RGS6: variants seen among roughly 807,000 people sequenced by gnomAD.
The protein encoded by RGS6 is regulator of G-protein signaling 6.
Under a neutral mutation model 78.5 loss-of-function variants are expected in RGS6, and 30 were observed. That is an observed-to-expected ratio of 0.38 (90% CI 0.29 to 0.52). The LOEUF (loss-of-function observed/expected upper bound fraction) is 0.52. RGS6 is among the 20% of genes least tolerant of loss of function. The pLI, the probability that RGS6 is intolerant of heterozygous loss-of-function variation, is 0.85. For missense variants in RGS6, 495 were observed against 609.7 expected (o/e 0.81, Z 1.98); for synonymous variants, 206 against 206.0 (o/e 1.00, Z 0.00).
intron 2 of RGS6, among the ~76,000 whole-genome samples, chr14:72,309,822 A>G (rs890429706): frequency 6.6e-6 from 1 of 152,210 alleles, no homozygotes; most frequent in Non-Finnish European, 1.5e-5. Flanking sequence ...ATTGCAGGCC[A>G]TATGTATTGC....
intron 2 of RGS6, among the ~76,000 whole-genome samples, chr14:72,009,322 T>C (rs1382478328): frequency 6.6e-6 from 1 of 152,112 alleles, no homozygotes; most frequent in Non-Finnish European, 1.5e-5. Flanking sequence ...AACTCCCGCC[T>C]AGGTGACAGA....
intron 2 of RGS6, among the ~76,000 whole-genome samples, chr14:72,278,935 G>A (rs1277738261): frequency 6.6e-6 from 1 of 152,092 alleles, no homozygotes; most frequent in Non-Finnish European, 1.5e-5. Flanking sequence ...CTTGTTGTGT[G>A]CTCACGTGAC....
At chr14:72,341,437 C>A (rs999635118) in intron 2 of RGS6, among the ~76,000 whole-genome samples, 1 of 152,186 alleles carries the variant, frequency 6.6e-6, no homozygotes, top group Non-Finnish European at 1.5e-5. Context: ...AGGGCCAAAC[C>A]ATAGTAACAT....
intron 2 of RGS6, among the ~76,000 whole-genome samples, chr14:72,015,586 T>C (rs1215302309): frequency 1.3e-5 from 2 of 152,214 alleles, no homozygotes; most frequent in Non-Finnish European, 2.9e-5. Flanking sequence ...TCTAGAAATA[T>C]GTACTAGAGG....
intron 2 of RGS6, among the ~76,000 whole-genome samples, chr14:72,088,867 C>G (rs2095159538): frequency 6.6e-6 from 1 of 152,222 alleles, no homozygotes; most frequent in Non-Finnish European, 1.5e-5. Context: ...CAAGCTCATT[C>G]CCTCTGCAAG....
intron 15 of RGS6, among the ~76,000 whole-genome samples, chr14:72,522,678 C>A (rs1598667569): frequency 9.2e-6 from 1 of 109,036 alleles, no homozygotes; most frequent in African/African-American, 3.9e-5. Context: ...AAATACAATT[C>A]TTCTTTTAGT....
intron 2 of RGS6, among the ~76,000 whole-genome samples, chr14:72,079,246 A>G (rs2094714983): frequency 6.6e-6 from 1 of 151,878 alleles, no homozygotes. Context: ...CTTTTAAGAT[A>G]TTATTAAATT....
intron 2 of RGS6, among the ~76,000 whole-genome samples, chr14:72,344,592 G>A (rs1040768921): frequency 6.6e-6 from 1 of 152,154 alleles, no homozygotes; most frequent in Non-Finnish European, 1.5e-5. Context: ...TAAGAATATA[G>A]CACTCATGTC....
At chr14:72,242,193 G>T (rs1375957448) in intron 2 of RGS6, among the ~76,000 whole-genome samples, 2 of 152,116 alleles carry the variant, frequency 1.3e-5, no homozygotes, top group African/African-American at 4.8e-5. Flanking sequence ...CAGAGATAAG[G>T]GTTTATATAC....
At chr14:72,552,233 A>G (rs2097518464) in intron 17 of RGS6, among the ~76,000 whole-genome samples, 1 of 152,206 alleles carries the variant, frequency 6.6e-6, no homozygotes, top group Non-Finnish European at 1.5e-5. Context: ...CTTATTTTTA[A>G]AGTCAACTCA....
At chr14:72,398,566 A>T (rs1231324103) in intron 3 of RGS6, among the ~76,000 whole-genome samples, 1 of 151,800 alleles carries the variant, frequency 6.6e-6, no homozygotes, top group Non-Finnish European at 1.5e-5. Flanking sequence ...TTCTGTTCTG[A>T]TCTTAGTCAT....
intron 2 of RGS6, among the ~76,000 whole-genome samples, chr14:72,053,104 CCTTCCTTCCTTCCTTCCTTCCTTCCTTT>C (rs2093424951): frequency 4.0e-5 from 3 of 74,280 alleles, no homozygotes; most frequent in Non-Finnish European, 8.1e-5. Context: ...TTCCTTCCTT[CCTTCCTTCCTTCCTTCCTTCCTTCCTTT>C]CTTTTTTTGA....
intron 10 of RGS6, among the ~76,000 whole-genome samples, chr14:72,476,411 C>T (rs776414267): frequency 3.3e-5 from 5 of 152,098 alleles, no homozygotes; most frequent in Admixed American, 1.3e-4. Context: ...GTCCAGGGGG[C>T]GAGGGGATAC....
In RGS6 at chr14:72,285,537, C is replaced by T. The variant is rs370748323; in HGVS notation, c.85-66558C>T. Among the ~76,000 whole-genome samples, 469 of 152,274 alleles carry T rather than the reference C, an allele frequency of 3.1e-3. 8 individuals carry two copies. The South Asian group carries it at 0.032, about 10-fold the overall frequency. ...AACCTCTTTTTCCTTATAAATTACCCAGTCTTGTGTATGTCTTTATCAGCA... is the reference window on the plus strand; with the variant it reads ...AACCTCTTTTTCCTTATAAATTACCTAGTCTTGTGTATGTCTTTATCAGCA... On this transcript the variant is annotated intron_variant, in intron 2 of 17. Transcript: ENST00000553525.
In RGS6 at chr14:72,314,531, C is replaced by G. The variant is rs141090450; in HGVS notation, c.85-37564C>G. On this transcript the variant is annotated intron_variant, in intron 2 of 17. Transcript: ENST00000553525. ...GAAGGTGAGTGTTTAGCTTTTCCCG[C>G]CTTTTTCCTGGTTGGGGGAGACAGC... Among the ~76,000 whole-genome samples the G allele has an allele frequency of 3.5e-4, 53 of 151,136 alleles. No homozygotes were observed. The East Asian group carries it at 0.01, about 29-fold the overall frequency.
intron 2 of RGS6, among the ~76,000 whole-genome samples, chr14:72,080,084 T>A (rs2094752889): frequency 6.6e-6 from 1 of 152,188 alleles, no homozygotes; most frequent in Admixed American, 6.5e-5. Flanking sequence ...ATGGTGGTTC[T>A]GTTTCTCATT....
At chr14:72,363,999 T>TAAAAAA (rs55943058) in intron 3 of RGS6, among the ~76,000 whole-genome samples, 1,501 of 46,796 alleles carry the variant, frequency 0.032, 342 homozygotes, top group African/African-American at 0.075. Context: ...TGGACAAGGC[T>TAAAAAA]AAAAAAAAAA....
chr14:72,222,133 A>G (rs2047014685), intron 2 of RGS6, among the ~76,000 whole-genome samples: 1 of 152,232 alleles, frequency 6.6e-6, no homozygotes, highest in Non-Finnish European at 1.5e-5. Context: ...TAGTTAATAC[A>G]TTTACATAGA....
chr14:72,382,362 C>A (rs570422066), intron 3 of RGS6, among the ~76,000 whole-genome samples: 3 of 152,152 alleles, frequency 2.0e-5, no homozygotes, highest in African/African-American at 4.8e-5. Context: ...CATTAATAAT[C>A]ATGAAAATGC....
Sources: allele counts gnomAD v4.1 joint callset (sites outside exome capture counted in the v4.1 genomes callset), GRCh38; gene constraint gnomAD v4.1.1; transcripts MANE v1.5; gene names NCBI Gene and HGNC (gene_info 2026-07-23, HGNC 2026-07-21).